Variants in MAP3K20 observed in about 807,000 individuals in gnomAD.
The protein encoded by MAP3K20 is HCCS-4.
A neutral mutation model predicts 85.7 loss-of-function variants in MAP3K20; 40 were observed. That is an observed-to-expected ratio of 0.47 (90% CI 0.36 to 0.61). The LOEUF (loss-of-function observed/expected upper bound fraction) is 0.61, where lower values mean the gene tolerates loss of function less well. MAP3K20 is among the 20% of genes least tolerant of loss of function. The pLI is 0.00. For missense variants in MAP3K20, 817 were observed against 961.7 expected, an observed-to-expected ratio of 0.85 and a Z score of 1.99; for synonymous variants, 325 against 327.7, an observed-to-expected ratio of 0.99 and a Z score of 0.09.
chr2:173,167,652 T>G (rs1689873470), intron 2 of MAP3K20, among the ~76,000 whole-genome samples: 1 of 152,202 alleles, frequency 6.6e-6, no homozygotes, highest in African/African-American at 2.4e-5. Flanking sequence ...ATTTTGACAT[T>G]AGCATTTGCC....
intron 12 of MAP3K20, 68 bp downstream of exon 12, chr2:173,229,801 T>C: frequency 6.4e-7 from 1 of 1,561,126 alleles, no homozygotes; most frequent in Non-Finnish European, 8.8e-7. Flanking sequence ...CCTAAGTTTT[T>C]AGGGGAAGAG....
At position 173,258,728 on chromosome 2, in the gene MAP3K20, G is replaced by A. The variant is rs760368933; in HGVS notation, c.1389G>A (p.Met463Ile). Residue 463 changes from methionine to isoleucine, a missense_variant, in exon 17 of 20, where the codon ATG becomes ATA. Around this residue, in one of 4 missense-constraint regions of MAP3K20, gnomAD observed 454 missense variants for 476.9 expected, o/e 0.95. Coordinates refer to ENST00000375213, the MANE Select transcript of MAP3K20 (RefSeq NM_016653.3). Reference protein sequence around the residue: ...QDCKWKMYMEMDGDEIAITYI... With the variant: ...QDCKWKMYMEIDGDEIAITYI... ...GTAAGTGGAAAATGTATATGGAGAT[G>A]GATGGGGATGAAATTGCAATAACCT... The A allele has an allele frequency of 3.7e-6, 6 of 1,610,594 alleles. No individual in the cohort carries two copies. Among genetic ancestry groups the A allele is most frequent in the East Asian group, 2.2e-5 (1 of 44,810 alleles).
At chr2:173,243,286 T>G (rs775313139) in intron 16 of MAP3K20, among the ~76,000 whole-genome samples, 2 of 152,182 alleles carry the variant, frequency 1.3e-5, no homozygotes, top group Non-Finnish European at 2.9e-5. Context: ...CCTTGAAGTC[T>G]TCTTGGTAGA....
intron 2 of MAP3K20, among the ~76,000 whole-genome samples, chr2:173,107,204 T>A (rs1419247484): frequency 6.6e-6 from 1 of 152,084 alleles, no homozygotes. Context: ...GAGTACTGTC[T>A]GGAGGTGGTA....
At chr2:173,260,858 ATACAAAAGGATGTC>A (rs1558916385) in intron 17 of MAP3K20, among the ~76,000 whole-genome samples, 191 bp from the exon 18 acceptor site, 1 of 152,250 alleles carries the variant, frequency 6.6e-6, no homozygotes, top group East Asian at 1.9e-4. Flanking sequence ...GTTTACAAAT[ATACAAAAGGATGTC>A]TTATGAAAAG....
chr2:173,138,373 G>A (rs1418491410), intron 2 of MAP3K20, among the ~76,000 whole-genome samples: 1 of 152,150 alleles, frequency 6.6e-6, no homozygotes, highest in Non-Finnish European at 1.5e-5. Context: ...TTATGGATGT[G>A]TTAAGGTTTG....
chr2:173,251,160 A>G (rs1180387060), intron 16 of MAP3K20, among the ~76,000 whole-genome samples: 1 of 152,188 alleles, frequency 6.6e-6, no homozygotes, highest in African/African-American at 2.4e-5. Flanking sequence ...TACTTCATAG[A>G]TGCCACAACA....
At chr2:173,240,395 T>A (rs564859762) in intron 16 of MAP3K20, among the ~76,000 whole-genome samples, 2 of 152,296 alleles carry the variant, frequency 1.3e-5, no homozygotes, top group South Asian at 4.1e-4. Flanking sequence ...AGTGAAACCA[T>A]GCTTGCTCCA....
At chr2:173,092,148 A>G (rs1687318896) in intron 2 of MAP3K20, among the ~76,000 whole-genome samples, 2 of 152,222 alleles carry the variant, frequency 1.3e-5, no homozygotes, top group Non-Finnish European at 2.9e-5. Context: ...GTTTCCTCCC[A>G]GCGGTGCTGT....
intron 5 of MAP3K20, among the ~76,000 whole-genome samples, chr2:173,187,860 AT>A (rs1690535608): frequency 6.6e-6 from 1 of 152,154 alleles, no homozygotes; most frequent in Non-Finnish European, 1.5e-5. Flanking sequence ...AATTGTTTAC[AT>A]TTTTTCTCTG....
chr2:173,160,418 A>T (rs1468777627), intron 2 of MAP3K20: 1 of 152,162 alleles, frequency 6.6e-6, no homozygotes, highest in African/African-American at 2.4e-5. Context: ...GTAAGAATGA[A>T]GTTTTTTATT....
intron 2 of MAP3K20, among the ~76,000 whole-genome samples, chr2:173,131,715 TAGG>T (rs1049721855): frequency 1.3e-5 from 2 of 152,136 alleles, no homozygotes; most frequent in African/African-American, 4.8e-5. Flanking sequence ...AGTGGAATGG[TAGG>T]AGGCAAGTTC....
At chr2:173,083,673 T>A (rs901456828) in intron 1 of MAP3K20, among the ~76,000 whole-genome samples, 3 of 152,118 alleles carry the variant, frequency 2.0e-5, no homozygotes, top group Non-Finnish European at 4.4e-5. Context: ...GGGAAAAAAA[T>A]TGCAGAACAG....
intron 2 of MAP3K20, among the ~76,000 whole-genome samples, chr2:173,164,976 A>C (rs1689772709): frequency 6.6e-6 from 1 of 152,204 alleles, no homozygotes; most frequent in South Asian, 2.1e-4. Context: ...AGAGGAAAGG[A>C]GAAAGGAACT....
chr2:173,184,282 G>A (rs1690419839), intron 4 of MAP3K20, among the ~76,000 whole-genome samples: 1 of 152,176 alleles, frequency 6.6e-6, no homozygotes, highest in Non-Finnish European at 1.5e-5. Context: ...TATATAGGTA[G>A]TACTTAACTT....
intron 2 of MAP3K20, among the ~76,000 whole-genome samples, chr2:173,117,502 A>G (rs1479695326): frequency 1.3e-5 from 2 of 151,438 alleles, no homozygotes; most frequent in Non-Finnish European, 2.9e-5. Context: ...CTGGTCTCGA[A>G]CTCCTGGGCT....
intron 16 of MAP3K20, among the ~76,000 whole-genome samples, chr2:173,256,579 G>T (rs866561876): frequency 3.9e-5 from 6 of 152,082 alleles, no homozygotes; most frequent in Admixed American, 2.0e-4. Flanking sequence ...TGGTCCAGGG[G>T]TCAAATTTGG....
chr2:173,152,677 G>A (rs968610591), intron 2 of MAP3K20, among the ~76,000 whole-genome samples: 1 of 152,206 alleles, frequency 6.6e-6, no homozygotes, highest in Admixed American at 6.5e-5. Context: ...AGAATTTGGG[G>A]TGAGACGGTA....
intron 4 of MAP3K20, among the ~76,000 whole-genome samples, chr2:173,184,947 A>G (rs1462450611): frequency 2.0e-5 from 3 of 151,678 alleles, no homozygotes; most frequent in Non-Finnish European, 2.9e-5. Flanking sequence ...AGAGTTAAAA[A>G]TAAGGAAGGA....
Sources: allele counts gnomAD v4.1 joint callset (sites outside exome capture counted in the v4.1 genomes callset), GRCh38; gene constraint gnomAD v4.1.1; regional missense constraint gnomAD v4.1.1; transcripts MANE v1.5; gene names NCBI Gene and HGNC (gene_info 2026-07-23, HGNC 2026-07-21).